The following FAAH2 variants were observed in gnomAD, a reference collection of about 807,000 sequenced individuals.
FAAH2 encodes fatty-acid amide hydrolase 2.
In FAAH2, 60 loss-of-function variants were observed where a neutral mutation model predicts 36.9. The observed-to-expected ratio is 1.63, with a 90% CI of 1.32 to 2.02. FAAH2 has a LOEUF of 2.02. Ranked by LOEUF, FAAH2 falls within the 30% of genes most tolerant of loss-of-function variation. The pLI, the probability that FAAH2 is intolerant of heterozygous loss-of-function variation, is 0.00. For synonymous variants in FAAH2, 214 were observed against 143.8 expected (o/e 1.49, Z -3.49); for missense variants, 689 against 397.5 (o/e 1.73, Z -6.23).
chrX:57,181,741 A>G, the FAAH2 span, among the ~76,000 whole-genome samples: 1 of 112,080 alleles, frequency 8.9e-6, no homozygotes, highest in East Asian at 2.8e-4. Flanking sequence ...TAAAATTTAT[A>G]TGGAACCATA....
chrX:57,138,710 C>T, the FAAH2 span, among the ~76,000 whole-genome samples: 3 of 111,584 alleles, frequency 2.7e-5, no homozygotes, highest in Non-Finnish European at 5.6e-5. Flanking sequence ...TTCTTCACTT[C>T]CTTACCAGCA....
chrX:57,301,011 G>A (rs1208423825), intron 2 of FAAH2, among the ~76,000 whole-genome samples: 1 of 111,018 alleles, frequency 9.0e-6, no homozygotes, highest in African/African-American at 3.3e-5. Flanking sequence ...TACAATGTTG[G>A]TGGGACTGTA....
At chrX:57,486,263 C>T (rs1252688010) in intron 10 of FAAH2, among the ~76,000 whole-genome samples, 4 of 111,587 alleles carry the variant, frequency 3.6e-5, no homozygotes, top group African/African-American at 1.3e-4. Flanking sequence ...CACAGATATT[C>T]ATGGATCAGC....
intron 7 of FAAH2, among the ~76,000 whole-genome samples, chrX:57,413,048 G>C (rs1254955039): frequency 7.1e-5 from 8 of 111,999 alleles, no homozygotes; most frequent in Admixed American, 5.7e-4. Context: ...CTGTTTATAT[G>C]CTTCACCCAC....
chrX:57,439,263 G>A (rs1010172232), intron 8 of FAAH2, among the ~76,000 whole-genome samples: 1 of 110,184 alleles, frequency 9.1e-6, no homozygotes, highest in African/African-American at 3.3e-5. Context: ...TCCAGCACCT[G>A]TTGTTTCCTG....
At chrX:57,471,520 G>C (rs2057166007) in intron 10 of FAAH2, among the ~76,000 whole-genome samples, 1 of 111,430 alleles carries the variant, frequency 9.0e-6, no homozygotes, top group Non-Finnish European at 1.9e-5. Flanking sequence ...AAATACCTAG[G>C]AATCCAACTT....
chrX:57,248,689 T>C, the FAAH2 span, among the ~76,000 whole-genome samples: 1 of 99,036 alleles, frequency 1.0e-5, no homozygotes, highest in Non-Finnish European at 2.0e-5. Context: ...GGAGGCGGAG[T>C]TTATGGTGAG....
intron 5 of FAAH2, among the ~76,000 whole-genome samples, chrX:57,378,192 C>T (rs932232860): frequency 9.8e-5 from 11 of 111,997 alleles, no homozygotes; most frequent in South Asian, 3.7e-4. Flanking sequence ...CTGTTCTTTG[C>T]GGAAAATTGC....
intron 10 of FAAH2, among the ~76,000 whole-genome samples, chrX:57,466,821 G>A (rs2057059457): frequency 9.0e-6 from 1 of 111,609 alleles, no homozygotes; most frequent in African/African-American, 3.3e-5. Flanking sequence ...ATGCAGACAA[G>A]CATTAAGGGT....
the FAAH2 span, chrX:57,137,083 T>C: frequency 1.3e-6 from 1 of 788,436 alleles, no homozygotes; most frequent in East Asian, 1.2e-4. Context: ...TCCTACCCCC[T>C]TTCCCTGTCG....
chrX:57,225,396 G>A, the FAAH2 span, among the ~76,000 whole-genome samples: 4 of 111,469 alleles, frequency 3.6e-5, no homozygotes, highest in African/African-American at 9.8e-5. Context: ...TTTGTTTTTG[G>A]CCCAATGCTC....
intron 7 of FAAH2, among the ~76,000 whole-genome samples, chrX:57,415,631 T>C (rs1443173899): frequency 9.0e-6 from 1 of 111,124 alleles, no homozygotes; most frequent in Non-Finnish European, 1.9e-5. Context: ...TGTTGAGGAG[T>C]GTTTTACTTT....
At chrX:57,331,025 G>A (rs1459675602) in intron 3 of FAAH2, among the ~76,000 whole-genome samples, 1 of 110,708 alleles carries the variant, frequency 9.0e-6, no homozygotes, top group African/African-American at 3.3e-5. Context: ...CTGAATCATG[G>A]GCAAAACCAC....
chrX:57,151,381 G>C, the FAAH2 span, among the ~76,000 whole-genome samples: 2 of 111,362 alleles, frequency 1.8e-5, no homozygotes, highest in Non-Finnish European at 3.8e-5. Flanking sequence ...CATTCTCCCC[G>C]TCACTTTCAG....
At chrX:57,394,927 G>A in intron 7 of FAAH2, 3 of 641,984 alleles carry the variant, frequency 4.7e-6, no homozygotes, top group Non-Finnish European at 2.7e-6. Flanking sequence ...CATGCCTTCT[G>A]GCAATCTGCA....
At chrX:57,445,106 C>T (rs1255668689) in intron 8 of FAAH2, among the ~76,000 whole-genome samples, 1 of 111,566 alleles carries the variant, frequency 9.0e-6, no homozygotes, top group African/African-American at 3.3e-5. Flanking sequence ...ACCGTCTGTG[C>T]TTGGTTTGGC....
At chrX:57,260,554 T>C in the FAAH2 span, among the ~76,000 whole-genome samples, 1 of 111,700 alleles carries the variant, frequency 9.0e-6, no homozygotes, top group Non-Finnish European at 1.9e-5. Flanking sequence ...AAGATCAATA[T>C]ATTGGAGTTC....
chrX:57,450,577 T>A (rs1362390828), intron 10 of FAAH2, among the ~76,000 whole-genome samples: 1 of 112,031 alleles, frequency 8.9e-6, no homozygotes, highest in Non-Finnish European at 1.9e-5. Flanking sequence ...GATGTAGAAT[T>A]GTTGGATGCC....
chrX:57,237,197 T>G, the FAAH2 span, among the ~76,000 whole-genome samples: 1 of 111,658 alleles, frequency 9.0e-6, no homozygotes, highest in African/African-American at 3.2e-5. Context: ...GGTTCTCAAT[T>G]TTGTCGCATT....
Sources: allele counts gnomAD v4.1 joint callset (sites outside exome capture counted in the v4.1 genomes callset), GRCh38; gene constraint gnomAD v4.1.1; transcripts MANE v1.5; gene names NCBI Gene and HGNC (gene_info 2026-07-23, HGNC 2026-07-21).